BIRC6: variants seen among roughly 807,000 people sequenced by gnomAD.
BIRC6 encodes dual E2 ubiquitin-conjugating enzyme/E3 ubiquitin-protein ligase BIRC6.
Under a neutral mutation model 503.3 loss-of-function variants are expected in BIRC6, and 98 were observed. The observed-to-expected ratio is 0.19, with a 90% CI of 0.17 to 0.23. The LOEUF (loss-of-function observed/expected upper bound fraction) is 0.23. Among genes scored for constraint, BIRC6 ranks in the 10% least tolerant of loss-of-function variants. The pLI is 1.00. For missense variants in BIRC6, 5,360 were observed against 5,806.0 expected (o/e 0.92, Z 2.50); for synonymous variants, 2,240 against 2,078.7 (o/e 1.08, Z -2.11).
chr2:32,481,857 A>T (rs1357486753), intron 38 of BIRC6, among the ~76,000 whole-genome samples: 1 of 152,168 alleles, frequency 6.6e-6, no homozygotes, highest in Non-Finnish European at 1.5e-5. Context: ...AAATATACAT[A>T]CATTACCACT....
chr2:32,358,031 G>T (rs1297000332), intron 1 of BIRC6, among the ~76,000 whole-genome samples: 1 of 85,926 alleles, frequency 1.2e-5, no homozygotes, highest in African/African-American at 4.9e-5. Context: ...CAGCGTGGGG[G>T]TGGGGGTGGG....
At chr2:32,509,575 CTT>C in intron 51 of BIRC6, 161 bp from the exon 52 acceptor site, 1 of 781,870 alleles carries the variant, frequency 1.3e-6, no homozygotes, top group East Asian at 2.7e-5. Flanking sequence ...ATAGGGGAAA[CTT>C]ACTGTCTGTT....
chr2:32,594,881 TCTC>T (rs2061587663), intron 67 of BIRC6, among the ~76,000 whole-genome samples, 150 bp from the exon 68 acceptor site: 3 of 152,210 alleles, frequency 2.0e-5, no homozygotes, highest in South Asian at 4.1e-4. Flanking sequence ...AATTTTTTAT[TCTC>T]AGAGCGGTTG....
chr2:32,377,382 G>A (rs1991626), intron 1 of BIRC6, among the ~76,000 whole-genome samples: 93,026 of 151,894 alleles, frequency 0.61, 29,420 homozygotes, highest in African/African-American at 0.77. Flanking sequence ...TCAAATTTTA[G>A]TAATTTCACA....
chr2:32,570,900 C>G (rs1316724763), intron 65 of BIRC6, among the ~76,000 whole-genome samples: 1 of 152,140 alleles, frequency 6.6e-6, no homozygotes, highest in African/African-American at 2.4e-5. Flanking sequence ...TGGTCTCAAG[C>G]AGTCCTCCCA....
chr2:32,512,855 G>GCAGA (rs1656992525), intron 53 of BIRC6, 78 bp from the exon 54 acceptor site: 1 of 1,048,906 alleles, frequency 9.5e-7, no homozygotes, highest in African/African-American at 1.6e-5. Flanking sequence ...TACTCACCAT[G>GCAGA]CAGAGATGGT....
In BIRC6 at chr2:32,503,311, G is replaced by A. The variant is rs998403839; in HGVS notation, c.9499+75G>A. The A allele has an allele frequency of 1.0e-5, 13 of 1,250,702 alleles. No individual in the cohort carries two copies. The African/African-American group carries it at 1.8e-4, about 17-fold the overall frequency. 77.5% of individuals were successfully genotyped at this position (1,250,702 alleles called of 1,614,324 possible). On this transcript the variant is annotated intron_variant, in intron 49 of 73. Coordinates refer to ENST00000421745, the MANE Select transcript of BIRC6 (RefSeq NM_016252.4). Reference sequence around the variant, plus strand: ...TAGCTGGTATGAAACAAAATTAGTTGAAGTCAGTTGATGATGTTATATATC... The same window carrying A: ...TAGCTGGTATGAAACAAAATTAGTTAAAGTCAGTTGATGATGTTATATATC...
intron 63 of BIRC6, among the ~76,000 whole-genome samples, chr2:32,546,069 G>A (rs2058035079): frequency 6.6e-6 from 1 of 152,072 alleles, no homozygotes; most frequent in Admixed American, 6.6e-5. Flanking sequence ...TACTTGAAAA[G>A]CAGAAAAGAT....
chr2:32,437,354 A>G (rs1359068103), intron 15 of BIRC6, among the ~76,000 whole-genome samples: 1 of 152,178 alleles, frequency 6.6e-6, no homozygotes, highest in Non-Finnish European at 1.5e-5. Context: ...TTCTGGGGGT[A>G]AATAAAAAAA....
At chr2:32,477,788 T>C (rs1168459812) in intron 35 of BIRC6, among the ~76,000 whole-genome samples, 1 of 149,782 alleles carries the variant, frequency 6.7e-6, no homozygotes, top group Non-Finnish European at 1.5e-5. Flanking sequence ...TAGCAAAGGA[T>C]GATGTTTTTA....
intron 66 of BIRC6, among the ~76,000 whole-genome samples, chr2:32,588,099 C>T (rs1259447932): frequency 1.3e-5 from 2 of 152,162 alleles, no homozygotes; most frequent in Non-Finnish European, 2.9e-5. Flanking sequence ...GTGGCTCACG[C>T]CTGTAATCCC....
At chr2:32,470,136 ATTCTT>A (rs1293080591) in intron 30 of BIRC6, 27 bp from the exon 31 acceptor site, 3 of 1,426,324 alleles carry the variant, frequency 2.1e-6, no homozygotes, top group Non-Finnish European at 1.8e-6. Flanking sequence ...ATTGATTCTT[ATTCTT>A]TTCTTTTTTG....
At chr2:32,451,407 A>G (rs2046716884) in intron 22 of BIRC6, among the ~76,000 whole-genome samples, 1 of 152,212 alleles carries the variant, frequency 6.6e-6, no homozygotes. Flanking sequence ...TGATGATAGT[A>G]GAATGATGTT....
rs1158069027 is a variant in BIRC6, at chr2:32,593,949, C to A, written c.13390C>A (p.Pro4464Thr). ...GGAAAATGTTAAAACAGGAGTAAAA[C>A]CAGATGCGTCTGATCAAGAACCAGA... ...KRENVKTGVK[P>T]DASDQEPEGL... The change falls in exon 67 of 74, where the codon CCA (proline) becomes ACA (threonine). Residue 4464 changes from proline to threonine, a missense_variant. Pro to Thr is a conservative substitution (Grantham distance 38). Coordinates refer to ENST00000421745, the MANE Select transcript of BIRC6 (RefSeq NM_016252.4). 1.2e-6 allele frequency: 2 copies of A among 1,612,874 alleles called. No individual in the cohort carries two copies. Among genetic ancestry groups the A allele is most frequent in the Non-Finnish European group, 1.7e-6 (2 of 1,179,378 alleles).
At chr2:32,441,623 T>C (rs1371975093) in intron 17 of BIRC6, among the ~76,000 whole-genome samples, 161 bp downstream of exon 17, 2 of 152,246 alleles carry the variant, frequency 1.3e-5, no homozygotes, top group Non-Finnish European at 2.9e-5. Flanking sequence ...GTTGTCTTTA[T>C]ACTTCATTGG....
Position 32,357,353 on chromosome 2 carries a change from C to T in BIRC6, c.192C>T (p.His64=). 1.3e-6 allele frequency: 2 copies of T among 1,545,886 alleles called. No individual in the cohort carries two copies. The highest frequency in any genetic ancestry group is 1.7e-4 in the Middle Eastern group (1 of 5,956). ...EWLVLRDGCM[H]CDADGLHSLS... Reference sequence around the variant, plus strand: ...TGGTGCTGCGGGACGGCTGCATGCACTGCGACGCCGACGGGCTGCACAGCC... The same window carrying T: ...TGGTGCTGCGGGACGGCTGCATGCATTGCGACGCCGACGGGCTGCACAGCC... The change falls in exon 1 of 74, where the codon CAC becomes CAT. Residue 64 remains histidine, a synonymous_variant. Transcript: ENST00000421745. This position sits in a 1 kb window ranked among gnomAD's most constrained non-coding sequence, Gnocchi z 4.9.
intron 12 of BIRC6, 91 bp downstream of exon 12, chr2:32,431,181 CTTTTTTTTTTTTTTTTTTTTTTTTT>C (rs10610125): frequency 3.0e-5 from 2 of 66,792 alleles, no homozygotes; most frequent in Non-Finnish European, 5.6e-5. Flanking sequence ...TACTGTTTAT[CTTTTTTTTTTTTTTTTTTTTTTTTT>C]TTTTTTTGAG....
intron 32 of BIRC6, 155 bp downstream of exon 32, chr2:32,471,279 C>A (rs2049066761): frequency 1.9e-6 from 1 of 534,764 alleles, no homozygotes; most frequent in Non-Finnish European, 2.4e-6. Context: ...AACTTCACTA[C>A]AATTCTGTTT....
Position 32,469,391 on chromosome 2 carries a change from A to G in BIRC6, c.6128-4A>G, listed in dbSNP as rs758800280. On this transcript the variant is annotated splice_region_variant and splice_polypyrimidine_tract_variant and intron_variant, in intron 29 of 73. Coordinates refer to ENST00000421745, the MANE Select transcript of BIRC6 (RefSeq NM_016252.4). The stretch of plus-strand genomic sequence containing the variant: ...AAAGTTTACTGTTTTCTTTCTTGTA[A>G]TAGGACACTCTGTTCCTGCAGTTTT... 2 of 1,608,074 alleles carry G rather than the reference A, an allele frequency of 1.2e-6. No homozygotes were observed. The highest frequency in any genetic ancestry group is 1.1e-5 in the South Asian group (1 of 90,014).
Sources: allele counts gnomAD v4.1 joint callset (sites outside exome capture counted in the v4.1 genomes callset), GRCh38; gene constraint gnomAD v4.1.1; non-coding constraint Gnocchi (gnomAD v3.1); transcripts MANE v1.5; gene names NCBI Gene and HGNC (gene_info 2026-07-23, HGNC 2026-07-21).